KIF26B: variants seen among roughly 807,000 people sequenced by gnomAD.
The protein encoded by KIF26B is kinesin family member 26B, also known as kinesin-like protein KIF26B.
In KIF26B, 63 loss-of-function variants were observed where a neutral mutation model predicts 151.2. The observed-to-expected ratio is 0.42, with a 90% confidence interval of 0.34 to 0.51. The LOEUF (loss-of-function observed/expected upper bound fraction) is 0.51. Ranked by LOEUF, KIF26B falls within the 20% of genes least tolerant of loss-of-function variation. The probability of loss-of-function intolerance (pLI) is 0.07; values close to 1 mark genes in which losing one functional copy is unlikely to be tolerated. For missense variants in KIF26B, 2,813 were observed against 2,913.6 expected (o/e 0.97, Z 0.79); for synonymous variants, 1,357 against 1,262.1 (o/e 1.08, Z -1.59).
In KIF26B at chr1:245,702,372, G is replaced by T; in HGVS notation, c.6179-86G>T. ...ACCTTTAGACCAAGGGGTAGATGTG[G>T]GGGTGGCAGCTCCAGGCTGAGCCGT... is the stretch of plus-strand genomic sequence containing the variant. On this transcript the variant is annotated intron_variant, in intron 14 of 14. Coordinates refer to ENST00000407071, the MANE Select transcript of KIF26B (RefSeq NM_018012.4). This position sits in a 1 kb window ranked among gnomAD's most constrained non-coding sequence, Gnocchi z 4.1. The T allele has an allele frequency of 3.4e-6, 5 of 1,461,530 alleles. No homozygotes were observed. In the Admixed American group the frequency reaches 7.0e-5, roughly 20 times the overall value. The allele number at this position is 1,461,530 out of a possible 1,614,324, so 90.5% of individuals were successfully genotyped here. A position where few individuals can be genotyped will look rare whatever the true frequency, so the allele number is the denominator to read the frequency against.
intron 3 of KIF26B, among the ~76,000 whole-genome samples, chr1:245,405,022 AAC>A (rs1674100705): frequency 6.6e-6 from 1 of 152,258 alleles, no homozygotes; most frequent in African/African-American, 2.4e-5. Context: ...AGAAAATGAA[AAC>A]ACACACATGT....
chr1:245,476,497 C>CATTTATTT (rs57100568), intron 4 of KIF26B, among the ~76,000 whole-genome samples: 4,707 of 142,454 alleles, frequency 0.033, 276 homozygotes, highest in African/African-American at 0.11. Context: ...TTAAAAGACA[C>CATTTATTT]ATTTATTTAT....
intron 4 of KIF26B, among the ~76,000 whole-genome samples, chr1:245,500,994 C>T (rs1425650617): frequency 6.6e-6 from 1 of 152,206 alleles, no homozygotes; most frequent in African/African-American, 2.4e-5. Context: ...ATGACGAACT[C>T]ATTAAAATCA....
chr1:245,673,534 G>T (rs981093413), intron 10 of KIF26B, among the ~76,000 whole-genome samples: 7 of 152,208 alleles, frequency 4.6e-5, no homozygotes, highest in African/African-American at 1.7e-4. Flanking sequence ...TAGTAAACAC[G>T]TCTTTTTGAA....
Position 245,684,269 on chromosome 1 carries a change from G to C in KIF26B, c.2295G>C (p.Leu765=). 2 of 1,613,906 alleles carry C rather than the reference G, an allele frequency of 1.2e-6. No individual in the cohort carries two copies. The highest frequency in any genetic ancestry group is 1.1e-5 in the South Asian group (1 of 91,080). Residue 765 remains leucine, a synonymous_variant, in exon 11 of 15, where the codon CTG becomes CTC. Transcript: ENST00000407071. ...TCGCCATGTTGCTGCGGGAGTCTCT[G>C]GGGAACATGAACTGCCGTACCACCA... ...SKLAMLLRES[L]GNMNCRTTMI...
chr1:245,399,448 T>C (rs1673940221), intron 3 of KIF26B, among the ~76,000 whole-genome samples: 1 of 152,202 alleles, frequency 6.6e-6, no homozygotes. Context: ...CAAAAACAGA[T>C]CAGATCCTTT....
At chr1:245,490,701 G>C (rs1432001094) in intron 4 of KIF26B, among the ~76,000 whole-genome samples, 2 of 152,158 alleles carry the variant, frequency 1.3e-5, no homozygotes, top group African/African-American at 2.4e-5. Flanking sequence ...TTTCATATTA[G>C]TGTCTCATTG....
At position 245,261,516 on chromosome 1, in the gene KIF26B, C is replaced by T. The variant is rs1231135870; in HGVS notation, c.465+104833C>T. On this transcript the variant is annotated intron_variant, in intron 2 of 14. Transcript: ENST00000407071. The stretch of plus-strand genomic sequence containing the variant: ...CTCTCTCTCTCTCCCTCCCTCCCTC[C>T]CTCCCTCTCTCTCCCTCTCTCCCCC... Among the ~76,000 whole-genome samples the T allele has an allele frequency of 7.8e-5, 9 of 115,922 alleles. No homozygotes were observed. The East Asian group carries it at 1.2e-3, about 16-fold the overall frequency. 76.0% of individuals were successfully genotyped at this position (115,922 alleles called of 152,430 possible). A position where few individuals can be genotyped will look rare whatever the true frequency, so the allele number is the denominator to read the frequency against.
chr1:245,605,203 T>C (rs2043438361), intron 6 of KIF26B, among the ~76,000 whole-genome samples: 2 of 151,538 alleles, frequency 1.3e-5, no homozygotes, highest in African/African-American at 4.8e-5. Context: ...ACACAGGAAG[T>C]GCTCACAGCA....
At chr1:245,202,204 T>C (rs1669312065) in intron 2 of KIF26B, among the ~76,000 whole-genome samples, 1 of 152,194 alleles carries the variant, frequency 6.6e-6, no homozygotes, top group Non-Finnish European at 1.5e-5. Context: ...CCAGGAAAGC[T>C]CTCATTTACC....
chr1:245,493,483 T>C (rs1660449388), intron 4 of KIF26B, among the ~76,000 whole-genome samples: 1 of 152,254 alleles, frequency 6.6e-6, no homozygotes, highest in Non-Finnish European at 1.5e-5. Flanking sequence ...CCAGTTAAAC[T>C]CTGCCGTTGA....
At chr1:245,436,891 T>TC (rs375258919) in intron 4 of KIF26B, among the ~76,000 whole-genome samples, 431 of 17,950 alleles carry the variant, frequency 0.024, 1 homozygote, top group African/African-American at 0.032. Context: ...TCTCCCTCTC[T>TC]TTTTTTTTTT....
In KIF26B at chr1:245,488,419, C is replaced by T. The variant is rs536511300; in HGVS notation, c.1167-52348C>T. Among the ~76,000 whole-genome samples, 5 of 152,140 alleles carry T rather than the reference C, an allele frequency of 3.3e-5. No homozygotes were observed. Among genetic ancestry groups the T allele is most frequent in the Non-Finnish European group, 5.9e-5 (4 of 68,030 alleles). ...TGCTCTCTGAAAACTCTACCCAGAT[C>T]GTACACTCCTTGCTGGGTAGGATTG... On this transcript the variant is annotated intron_variant, in intron 4 of 14. Coordinates refer to ENST00000407071, the MANE Select transcript of KIF26B (RefSeq NM_018012.4). The surrounding 1 kb of genome is among the most constrained non-coding windows in gnomAD (Gnocchi z 4.6).
intron 5 of KIF26B, among the ~76,000 whole-genome samples, chr1:245,573,316 G>A (rs937156809): frequency 1.3e-5 from 2 of 152,196 alleles, no homozygotes; most frequent in Non-Finnish European, 2.9e-5. Context: ...GAGGTCAGGA[G>A]TTTGAGACCA....
chr1:245,187,870 G>GAGCTCT (rs926452938), intron 2 of KIF26B, among the ~76,000 whole-genome samples: 3 of 152,168 alleles, frequency 2.0e-5, no homozygotes, highest in Non-Finnish European at 2.9e-5. Context: ...TCATGTTTTT[G>GAGCTCT]AGCTCTAGAT....
At chr1:245,211,528 G>T (rs931426453) in intron 2 of KIF26B, among the ~76,000 whole-genome samples, 3 of 151,892 alleles carry the variant, frequency 2.0e-5, no homozygotes, top group African/African-American at 7.3e-5. Flanking sequence ...CTCTCAAGGA[G>T]CTGGGATTAC....
chr1:245,653,931 C>T (rs372812014), intron 10 of KIF26B, among the ~76,000 whole-genome samples: 1 of 152,120 alleles, frequency 6.6e-6, no homozygotes, highest in East Asian at 1.9e-4. Flanking sequence ...GGCATGGTGG[C>T]TCATACCTGT....
At chr1:245,287,494 CTCTCTTT>C (rs1195040695) in intron 2 of KIF26B, among the ~76,000 whole-genome samples, 13 of 113,154 alleles carry the variant, frequency 1.1e-4, no homozygotes, top group South Asian at 5.1e-4. Context: ...TCATCTCTCT[CTCTCTTT>C]TTTTTTTTTT....
rs1771494 is a variant in KIF26B, at chr1:245,564,084, G to A, written c.1350+23134G>A. On this transcript the variant is annotated intron_variant, in intron 5 of 14. Coordinates refer to ENST00000407071, the MANE Select transcript of KIF26B (RefSeq NM_018012.4). This position sits in a 1 kb window ranked among gnomAD's most constrained non-coding sequence, Gnocchi z 4.6. ...TGAGCTCGACACAGTCCAATCCCAAGTACCAGTCAGGCTCCCACCGTCCCT... is the reference window on the plus strand; with the variant it reads ...TGAGCTCGACACAGTCCAATCCCAAATACCAGTCAGGCTCCCACCGTCCCT... Among the ~76,000 whole-genome samples the A allele has an allele frequency of 0.24, 36,475 of 151,848 alleles. 7,279 individuals carry two copies. The highest frequency in any genetic ancestry group is 0.55 in the African/African-American group (22,683 of 41,358).
Sources: allele counts gnomAD v4.1 joint callset (sites outside exome capture counted in the v4.1 genomes callset), GRCh38; gene constraint gnomAD v4.1.1; non-coding constraint Gnocchi (gnomAD v3.1); transcripts MANE v1.5; gene names NCBI Gene and HGNC (gene_info 2026-07-23, HGNC 2026-07-21).